The following TRPM3 variants were observed in gnomAD, a reference collection of about 807,000 sequenced individuals.
The protein encoded by TRPM3 is long transient receptor potential channel 3.
Under a neutral mutation model 181.2 loss-of-function variants are expected in TRPM3, and 77 were observed. That is an observed-to-expected ratio of 0.42 (90% CI 0.35 to 0.51). The LOEUF is 0.51. Ranked by LOEUF, TRPM3 falls within the 20% of genes least tolerant of loss-of-function variation. TRPM3 has a pLI of 0.01. For missense variants in TRPM3, 1,759 were observed against 2,196.7 expected (o/e 0.80, Z 3.98); for synonymous variants, 745 against 796.4 (o/e 0.94, Z 1.09).
intron 1 of TRPM3, among the ~76,000 whole-genome samples, chr9:70,926,227 T>A (rs1292713337): frequency 2.0e-5 from 3 of 152,142 alleles, no homozygotes; most frequent in African/African-American, 7.2e-5. Flanking sequence ...ATTATAAATC[T>A]GAGCTTGGAG....
rs951694821 is a variant in TRPM3, at chr9:70,895,479, A to G, written c.178-30968T>C. ...CTTCACTTCTGATATTTTGATTAGA[A>G]TTGTCTAATACAATGAACCAATCAA... On this transcript the variant is annotated intron_variant, in intron 1 of 25. Coordinates refer to ENST00000677713, the MANE Select transcript of TRPM3 (RefSeq NM_001366145.2). Among the ~76,000 whole-genome samples the G allele has an allele frequency of 5.3e-5, 8 of 152,188 alleles. No homozygotes were observed. The East Asian group carries it at 1.5e-3, about 29-fold the overall frequency.
chr9:71,071,071 G>C (rs1029096871), intron 1 of TRPM3, among the ~76,000 whole-genome samples: 2 of 152,138 alleles, frequency 1.3e-5, no homozygotes, highest in South Asian at 2.1e-4. Flanking sequence ...CAAGGCTTTA[G>C]TTTTTAGTCT....
intron 1 of TRPM3, among the ~76,000 whole-genome samples, chr9:71,221,503 T>C (rs941005793): frequency 5.3e-5 from 8 of 152,314 alleles, no homozygotes; most frequent in African/African-American, 1.9e-4. Flanking sequence ...AAAAAATAAT[T>C]CTTTTTAATT....
intron 1 of TRPM3, among the ~76,000 whole-genome samples, chr9:70,993,133 A>G (rs1477865141): frequency 1.3e-5 from 2 of 152,170 alleles, no homozygotes; most frequent in African/African-American, 4.8e-5. Context: ...CTGTAAACCA[A>G]TGTAAGGAGT....
At chr9:71,045,767 C>T (rs914363521) in intron 1 of TRPM3, among the ~76,000 whole-genome samples, 1 of 152,174 alleles carries the variant, frequency 6.6e-6, no homozygotes, top group Non-Finnish European at 1.5e-5. Context: ...GAAGACTACT[C>T]AATCCGGTGC....
At chr9:70,683,428 C>CTTTTTTTTTTTTTTTTTTTTTTTTTTT (rs575176948) in intron 8 of TRPM3, among the ~76,000 whole-genome samples, 2 of 57,458 alleles carry the variant, frequency 3.5e-5, no homozygotes, top group Non-Finnish European at 6.5e-5. Flanking sequence ...TCTCTCTCTC[C>CTTTTTTTTTTTTTTTTTTTTTTTTTTT]TTTTTTTTTT....
At chr9:71,241,505 G>C (rs2081679211) in intron 1 of TRPM3, among the ~76,000 whole-genome samples, 3 of 135,280 alleles carry the variant, frequency 2.2e-5, no homozygotes, top group African/African-American at 8.1e-5. Context: ...GTGGGGTGGG[G>C]GGAGGGGGGA....
intron 9 of TRPM3, among the ~76,000 whole-genome samples, chr9:70,648,878 A>C (rs2059257545): frequency 2.0e-5 from 3 of 152,174 alleles, no homozygotes; most frequent in Admixed American, 6.5e-5. Flanking sequence ...TAAAACCTAA[A>C]ACTATGAAAA....
chr9:70,807,451 T>C (rs1283312280), intron 6 of TRPM3, among the ~76,000 whole-genome samples: 5 of 152,244 alleles, frequency 3.3e-5, no homozygotes, highest in African/African-American at 4.8e-5. Context: ...TGAGTCTTTC[T>C]ATGTCATTAT....
chr9:70,824,097 A>G (rs1460586256), intron 6 of TRPM3, among the ~76,000 whole-genome samples: 1 of 152,214 alleles, frequency 6.6e-6, no homozygotes, highest in Admixed American at 6.5e-5. Context: ...GATTCATTTA[A>G]TGTTTAGGGG....
At chr9:70,693,452 G>A (rs12348503) in intron 8 of TRPM3, among the ~76,000 whole-genome samples, 43,364 of 151,918 alleles carry the variant, frequency 0.29, 6,407 homozygotes, top group South Asian at 0.33. Flanking sequence ...GATTTCTTAT[G>A]GGGTTGTAAA....
At chr9:71,284,517 GA>G (rs2085115884) in intron 1 of TRPM3, among the ~76,000 whole-genome samples, 1 of 152,186 alleles carries the variant, frequency 6.6e-6, no homozygotes, top group Middle Eastern at 3.2e-3. Flanking sequence ...CTCAGAATCT[GA>G]GCCTAATAAA....
chr9:70,552,187 G>C (rs540636769), intron 24 of TRPM3, among the ~76,000 whole-genome samples: 1 of 152,278 alleles, frequency 6.6e-6, no homozygotes, highest in Admixed American at 6.5e-5. Context: ...AGGGTATTTA[G>C]GAATCTGTGG....
intron 7 of TRPM3, among the ~76,000 whole-genome samples, chr9:70,776,996 AT>A (rs1393991932): frequency 2.6e-5 from 4 of 152,136 alleles, no homozygotes; most frequent in African/African-American, 9.7e-5. Flanking sequence ...ATTCTCAGAC[AT>A]GCTGAAGTTT....
chr9:71,400,881 T>C (rs1382576230), intron 1 of TRPM3, among the ~76,000 whole-genome samples: 3 of 152,174 alleles, frequency 2.0e-5, no homozygotes, highest in East Asian at 3.9e-4. Context: ...TAATGCTTAT[T>C]AGTAAAACCA....
chr9:70,609,558 A>AGAG, intron 19 of TRPM3, among the ~76,000 whole-genome samples: 1 of 152,372 alleles, frequency 6.6e-6, no homozygotes, highest in Middle Eastern at 3.4e-3. Context: ...TGGGGGATGA[A>AGAG]GAGTTGCCAC....
At chr9:70,885,491 T>C (rs948638809) in intron 1 of TRPM3, among the ~76,000 whole-genome samples, 5 of 152,214 alleles carry the variant, frequency 3.3e-5, no homozygotes, top group African/African-American at 7.2e-5. Flanking sequence ...CAAATACCTA[T>C]GTGATTTGCC....
chr9:71,175,069 C>T lies in TRPM3; in HGVS notation c.183+271584G>A, dbSNP rs936357262. ...AAAAAACAAGCTGGGAGGAAGGAAA[C>T]GACAGATGGAGGTGAACATGACCAG... is the stretch of plus-strand genomic sequence containing the variant. On this transcript the variant is annotated intron_variant, in intron 1 of 24. Transcript: ENST00000357533. 3.9e-5 allele frequency among the ~76,000 whole-genome samples: 6 copies of T among 152,136 alleles called. No homozygotes were observed. In the South Asian group the frequency reaches 6.2e-4, roughly 16 times the overall value.
At chr9:70,655,723 G>A (rs139535941) in intron 9 of TRPM3, among the ~76,000 whole-genome samples, 3 of 152,144 alleles carry the variant, frequency 2.0e-5, no homozygotes, top group Admixed American at 6.5e-5. Context: ...ACCTTATGAC[G>A]TAAATTTTGC....
Sources: gnomAD v4.1 joint callset for allele counts (sites outside exome capture counted in the v4.1 genomes callset) on GRCh38, gnomAD v4.1.1 for gene constraint, MANE v1.5 for transcripts, NCBI Gene and HGNC (gene_info 2026-07-23, HGNC 2026-07-21) for gene names.